RAB10: variants seen among roughly 807,000 people sequenced by gnomAD.
RAB10 encodes ras-related protein Rab-10.
In RAB10, 5 loss-of-function variants were observed where a neutral mutation model predicts 25.7. The ratio of observed to expected loss-of-function variants is 0.19; its 90% CI spans 0.10 to 0.41. The LOEUF is 0.41. Among genes scored for constraint, RAB10 ranks in the 10% least tolerant of loss-of-function variants. The probability of loss-of-function intolerance (pLI) is 1.00; values close to 1 mark genes in which losing one functional copy is unlikely to be tolerated. For missense variants in RAB10, 103 were observed against 245.8 expected, an observed-to-expected ratio of 0.42 and a Z score of 3.89; for synonymous variants, 89 against 86.4, an observed-to-expected ratio of 1.03 and a Z score of -0.16.
At chr2:26,052,902 G>T (rs1218806424) in intron 1 of RAB10, among the ~76,000 whole-genome samples, 1 of 152,114 alleles carries the variant, frequency 6.6e-6, no homozygotes, top group Non-Finnish European at 1.5e-5. Flanking sequence ...TTCTGCCTTG[G>T]TGTCTGATAT....
chr2:26,093,063 A>T (rs1177396203), intron 1 of RAB10, among the ~76,000 whole-genome samples: 1 of 152,144 alleles, frequency 6.6e-6, no homozygotes, highest in Non-Finnish European at 1.5e-5. Flanking sequence ...GATTCTAGGG[A>T]TAACAGGTTT....
At chr2:26,087,198 T>TGGTACTGAATACTGGTTCTG (rs1271700114) in intron 1 of RAB10, among the ~76,000 whole-genome samples, 1 of 152,154 alleles carries the variant, frequency 6.6e-6, no homozygotes, top group Non-Finnish European at 1.5e-5. Context: ...GAATCAGACA[T>TGGTACTGAATACTGGTTCTG]GGTACTGAAT....
chr2:26,054,895 T>C (rs1666220610), intron 1 of RAB10, among the ~76,000 whole-genome samples: 1 of 152,060 alleles, frequency 6.6e-6, no homozygotes, highest in East Asian at 1.9e-4. Flanking sequence ...GTGGGAGGGT[T>C]GCTTGAGCCC....
intron 3 of RAB10, among the ~76,000 whole-genome samples, chr2:26,121,666 A>G (rs2149287866): frequency 6.6e-6 from 1 of 152,366 alleles, no homozygotes; most frequent in South Asian, 2.1e-4. Flanking sequence ...TATTACTACC[A>G]TAAAACATAC....
chr2:26,078,824 C>T (rs1666796862), intron 1 of RAB10, among the ~76,000 whole-genome samples: 1 of 152,116 alleles, frequency 6.6e-6, no homozygotes, highest in African/African-American at 2.4e-5. Flanking sequence ...TTCTCAGAAA[C>T]ACTGCAAGCC....
chr2:26,060,580 GC>G (rs1307066843), intron 1 of RAB10, among the ~76,000 whole-genome samples: 6 of 152,120 alleles, frequency 3.9e-5, no homozygotes, highest in African/African-American at 1.4e-4. Context: ...GAGCCAACGT[GC>G]CCGGCCTGTT....
chr2:26,038,542 T>C (rs1665815057), intron 1 of RAB10, among the ~76,000 whole-genome samples: 1 of 152,068 alleles, frequency 6.6e-6, no homozygotes, highest in Non-Finnish European at 1.5e-5. Flanking sequence ...TTTTCACATA[T>C]AAGATGTTGA....
chr2:26,124,355 T>A (rs1574563100), intron 3 of RAB10, among the ~76,000 whole-genome samples: 1 of 149,484 alleles, frequency 6.7e-6, no homozygotes, highest in Non-Finnish European at 1.5e-5. Flanking sequence ...ATTTGGCAGT[T>A]TTGTTGCTGT....
chr2:26,056,233 T>C (rs1574530524), intron 1 of RAB10, among the ~76,000 whole-genome samples: 1 of 152,160 alleles, frequency 6.6e-6, no homozygotes, highest in Non-Finnish European at 1.5e-5. Context: ...GGAGTCTTGC[T>C]CTGTCGCCAG....
intron 1 of RAB10, among the ~76,000 whole-genome samples, chr2:26,083,520 G>A (rs1054310838): frequency 6.7e-6 from 1 of 149,674 alleles, no homozygotes; most frequent in African/African-American, 2.5e-5. Context: ...CTGGAGTGCA[G>A]TGGCACCATA....
intron 1 of RAB10, among the ~76,000 whole-genome samples, chr2:26,055,994 A>G (rs2149265557): frequency 6.6e-6 from 1 of 152,052 alleles, no homozygotes; most frequent in East Asian, 1.9e-4. Flanking sequence ...TTCCAGGCTC[A>G]AGCGATCCTT....
At chr2:26,088,653 G>A (rs1331996835) in intron 1 of RAB10, among the ~76,000 whole-genome samples, 2 of 151,734 alleles carry the variant, frequency 1.3e-5, no homozygotes, top group Non-Finnish European at 2.9e-5. Context: ...TTGCTCTGTC[G>A]CCCAGGCTGG....
intron 1 of RAB10, among the ~76,000 whole-genome samples, chr2:26,049,174 G>C (rs1221814675): frequency 6.7e-6 from 1 of 148,280 alleles, no homozygotes; most frequent in Non-Finnish European, 1.5e-5. Flanking sequence ...GGGGGGTTTA[G>C]ATGGAGGTCG....
chr2:26,077,700 C>T (rs1666767635), intron 1 of RAB10, among the ~76,000 whole-genome samples: 1 of 152,186 alleles, frequency 6.6e-6, no homozygotes, highest in African/African-American at 2.4e-5. Flanking sequence ...AGATGGGAGG[C>T]TGGGCACAGT....
intron 2 of RAB10, among the ~76,000 whole-genome samples, chr2:26,107,294 A>G (rs1338853151): frequency 3.3e-5 from 5 of 151,608 alleles, no homozygotes; most frequent in Non-Finnish European, 7.4e-5. Flanking sequence ...TAGACATAAC[A>G]CTAAACACAT....
chr2:26,114,903 A>G (rs1315903026), intron 3 of RAB10, among the ~76,000 whole-genome samples: 2 of 151,950 alleles, frequency 1.3e-5, no homozygotes, highest in African/African-American at 4.8e-5. Context: ...CTCTGTCTCA[A>G]AAAAAGAAAA....
chr2:26,109,307 G>GT (rs1667526563), intron 2 of RAB10, among the ~76,000 whole-genome samples: 1 of 152,166 alleles, frequency 6.6e-6, no homozygotes, highest in Non-Finnish European at 1.5e-5. Context: ...AGAGGGCATA[G>GT]TTACAGGAGC....
At chr2:26,089,997 A>T (rs1302733121) in intron 1 of RAB10, among the ~76,000 whole-genome samples, 1 of 152,050 alleles carries the variant, frequency 6.6e-6, no homozygotes, top group East Asian at 1.9e-4. Flanking sequence ...TTTGTTTTTC[A>T]TATAAATTCT....
chr2:26,034,460 T>TG lies in RAB10; in HGVS notation c.-148dup. The TG allele has an allele frequency of 4.7e-6, 5 of 1,058,654 alleles. No homozygotes were observed. Among genetic ancestry groups the TG allele is most frequent in the Admixed American group, 2.7e-5 (1 of 37,036 alleles). 65.6% of individuals were successfully genotyped at this position (1,058,654 alleles called of 1,614,324 possible). On this transcript the variant is annotated 5_prime_UTR_variant, in exon 1 of 6. Transcript: ENST00000264710. The stretch of plus-strand genomic sequence containing the variant: ...GCCACTGTCGGGGCTTCCTCAAAGC[T>TG]GTTCGTAGGTCGCCCGCGCCGTCTC...
Sources: gnomAD v4.1 joint callset for allele counts (sites outside exome capture counted in the v4.1 genomes callset) on GRCh38, gnomAD v4.1.1 for gene constraint, MANE v1.5 for transcripts, NCBI Gene and HGNC (gene_info 2026-07-23, HGNC 2026-07-21) for gene names.